The following NFIB variants were observed in gnomAD, a reference collection of about 807,000 sequenced individuals.
NFIB encodes nuclear factor 1 B-type.
A neutral mutation model predicts 61.5 loss-of-function variants in NFIB; 11 were observed. The observed-to-expected ratio is 0.18, with a 90% CI of 0.11 to 0.30. The LOEUF is 0.30. Among genes scored for constraint, NFIB ranks in the 10% least tolerant of loss-of-function variants. The pLI is 1.00. For missense variants in NFIB, 471 were observed against 608.9 expected, an observed-to-expected ratio of 0.77 and a Z score of 2.38; for synonymous variants, 260 against 216.5, an observed-to-expected ratio of 1.20 and a Z score of -1.76.
chr9:14,439,544 A>G, the NFIB span, among the ~76,000 whole-genome samples: 6 of 152,214 alleles, frequency 3.9e-5, no homozygotes, highest in Admixed American at 2.6e-4. Flanking sequence ...CTTAATAAAT[A>G]TTAGCTATAC....
chr9:14,155,395 T>G (rs544296718), intron 4 of NFIB, among the ~76,000 whole-genome samples: 1 of 152,298 alleles, frequency 6.6e-6, no homozygotes, highest in South Asian at 2.1e-4. Context: ...CTCTACACTC[T>G]GCACGTTAGT....
intron 1 of NFIB, among the ~76,000 whole-genome samples, chr9:14,346,300 C>G (rs1032555834): frequency 2.8e-5 from 4 of 144,906 alleles, no homozygotes; most frequent in East Asian, 2.0e-4. Flanking sequence ...ACCCCCCCCC[C>G]GTAACCTGAG....
chr9:14,223,603 A>G (rs2051986523), intron 2 of NFIB, among the ~76,000 whole-genome samples: 1 of 152,130 alleles, frequency 6.6e-6, no homozygotes, highest in Non-Finnish European at 1.5e-5. Flanking sequence ...TCAATAGGAG[A>G]TCAATCAAAA....
At chr9:14,497,034 T>G in the NFIB span, among the ~76,000 whole-genome samples, 1 of 152,192 alleles carries the variant, frequency 6.6e-6, no homozygotes, top group Non-Finnish European at 1.5e-5. Flanking sequence ...CTACTTAATA[T>G]TTTCATAAGC....
At chr9:14,183,657 G>T (rs1467335592) in intron 2 of NFIB, among the ~76,000 whole-genome samples, 1 of 151,796 alleles carries the variant, frequency 6.6e-6, no homozygotes, top group African/African-American at 2.4e-5. Flanking sequence ...CGCCTACCTC[G>T]GCCTCCCAAA....
At chr9:14,265,739 C>G (rs966608162) in intron 2 of NFIB, among the ~76,000 whole-genome samples, 12 of 152,324 alleles carry the variant, frequency 7.9e-5, no homozygotes, top group Non-Finnish European at 1.6e-4. Flanking sequence ...ATGTATTGAG[C>G]ATCACCTATG....
At chr9:14,226,452 A>C (rs1440517869) in intron 2 of NFIB, among the ~76,000 whole-genome samples, 1 of 151,712 alleles carries the variant, frequency 6.6e-6, no homozygotes, top group Non-Finnish European at 1.5e-5. Flanking sequence ...GGAGGCTCAG[A>C]TGACAGGATC....
chr9:14,161,823 T>C (rs1252696128), intron 3 of NFIB, among the ~76,000 whole-genome samples: 2 of 152,166 alleles, frequency 1.3e-5, no homozygotes, highest in Non-Finnish European at 2.9e-5. Flanking sequence ...TCAAAGGACA[T>C]AAACTCTTTT....
intron 2 of NFIB, among the ~76,000 whole-genome samples, chr9:14,218,344 T>C (rs2051198802): frequency 6.6e-6 from 1 of 152,174 alleles, no homozygotes; most frequent in Admixed American, 6.5e-5. Context: ...CTTGTTTCTG[T>C]TTTCAGTGCC....
chr9:14,430,234 T>C, the NFIB span, among the ~76,000 whole-genome samples: 1 of 152,012 alleles, frequency 6.6e-6, no homozygotes, highest in Non-Finnish European at 1.5e-5. Flanking sequence ...ATGGGTAAAA[T>C]TTTTTTTGCT....
intron 2 of NFIB, among the ~76,000 whole-genome samples, chr9:14,216,830 A>C (rs2050982152): frequency 6.6e-6 from 1 of 152,208 alleles, no homozygotes; most frequent in Admixed American, 6.5e-5. Context: ...TACTTTTCTG[A>C]TGAAAACTGT....
chr9:14,385,301 C>A (rs1202901446), intron 1 of NFIB, among the ~76,000 whole-genome samples: 3 of 152,186 alleles, frequency 2.0e-5, no homozygotes, highest in Non-Finnish European at 4.4e-5. Context: ...CCCCACAGTC[C>A]ATCTATTTAC....
At chr9:14,248,888 G>C (rs1166414126) in intron 2 of NFIB, among the ~76,000 whole-genome samples, 2 of 152,184 alleles carry the variant, frequency 1.3e-5, no homozygotes, top group Non-Finnish European at 2.9e-5. Context: ...CGAGAAGTAA[G>C]GGAACAAAGA....
At chr9:14,344,412 G>A (rs995882199) in intron 1 of NFIB, among the ~76,000 whole-genome samples, 3 of 119,834 alleles carry the variant, frequency 2.5e-5, no homozygotes, top group African/African-American at 1.2e-4. Context: ...TGTCTCAGAA[G>A]GGGGGGGTAG....
chr9:14,225,478 A>G (rs892376337), intron 2 of NFIB, among the ~76,000 whole-genome samples: 16 of 84,482 alleles, frequency 1.9e-4, no homozygotes, highest in Non-Finnish European at 3.2e-4. Flanking sequence ...AAAAAAAAAA[A>G]AAGAAGAAGA....
the NFIB span, among the ~76,000 whole-genome samples, chr9:14,476,247 T>G: frequency 1.4e-5 from 2 of 140,738 alleles, no homozygotes; most frequent in African/African-American, 5.2e-5. Flanking sequence ...AAGCTTTTTG[T>G]TTTTTTTTTT....
intron 2 of NFIB, chr9:14,204,423 G>A (rs1415589782): frequency 2.5e-5 from 29 of 1,144,078 alleles, no homozygotes; most frequent in African/African-American, 1.2e-4. Context: ...AAATGGCCCC[G>A]CTATAGCAGG....
At position 14,086,105 on chromosome 9, in the gene NFIB, G is replaced by A. The variant is rs1325497201; in HGVS notation, c.*2204C>T. The A allele has an allele frequency of 2.7e-5, 6 of 225,628 alleles. No individual in the cohort carries two copies. 14.0% of individuals were successfully genotyped at this position (225,628 alleles called of 1,614,324 possible). ...GTAATGAGTTCAGCTTGCAACCCAG[G>A]TGGGAAGTTAGAGAGGGGAACCTGT... On this transcript the variant is annotated 3_prime_UTR_variant, in exon 11 of 11. Coordinates refer to ENST00000380953, the MANE Select transcript of NFIB (RefSeq NM_001190737.2).
At chr9:14,103,716 T>C (rs1424068274) in intron 10 of NFIB, among the ~76,000 whole-genome samples, 1 of 152,082 alleles carries the variant, frequency 6.6e-6, no homozygotes, top group Admixed American at 6.6e-5. Flanking sequence ...CTAAAAATAC[T>C]AGCTAAAATT....
Sources: gnomAD v4.1 joint callset for allele counts (sites outside exome capture counted in the v4.1 genomes callset) on GRCh38, gnomAD v4.1.1 for gene constraint, MANE v1.5 for transcripts, NCBI Gene and HGNC (gene_info 2026-07-23, HGNC 2026-07-21) for gene names.